MRPS28: variants seen among roughly 807,000 people sequenced by gnomAD.
MRPS28 encodes the protein small ribosomal subunit protein bS1m.
MRPS28 carries 7 observed loss-of-function variants against 10.8 expected under a neutral mutation model. That is an observed-to-expected ratio of 0.65 (90% confidence interval 0.37 to 1.22). The LOEUF is 1.22. Among genes scored for constraint, MRPS28 ranks in the 50% most tolerant of loss-of-function variants. The pLI is 0.02. For synonymous variants in MRPS28, 121 were observed against 93.3 expected, an observed-to-expected ratio of 1.30 and a Z score of -1.71; for missense variants, 265 against 232.9, an observed-to-expected ratio of 1.14 and a Z score of -0.90.
intron 2 of MRPS28, among the ~76,000 whole-genome samples, chr8:79,987,650 T>C (rs529011892): frequency 6.6e-6 from 1 of 152,288 alleles, no homozygotes; most frequent in East Asian, 1.9e-4. Context: ...GGAAGACATT[T>C]ATGCAGCCAA....
At chr8:79,988,783 T>TA (rs1808270640) in intron 2 of MRPS28, among the ~76,000 whole-genome samples, 1 of 152,226 alleles carries the variant, frequency 6.6e-6, no homozygotes, top group African/African-American at 2.4e-5. Context: ...CACTGACAGA[T>TA]ACAGGGTTAG....
At chr8:79,986,157 C>G (rs1420819058) in intron 2 of MRPS28, among the ~76,000 whole-genome samples, 1 of 152,138 alleles carries the variant, frequency 6.6e-6, no homozygotes, top group Non-Finnish European at 1.5e-5. Flanking sequence ...AGCATATAAA[C>G]AGAACCAAAG....
Position 80,029,802 on chromosome 8 carries a change from G to A in MRPS28, c.213+234C>T, listed in dbSNP as rs990270258. 2.0e-5 allele frequency: 31 copies of A among 1,524,634 alleles called. No homozygotes were observed. The East Asian group carries it at 7.2e-4, about 36-fold the overall frequency. 94.4% of individuals were successfully genotyped at this position (1,524,634 alleles called of 1,614,324 possible). On this transcript the variant is annotated intron_variant, in intron 1 of 2. Coordinates refer to ENST00000276585, the MANE Select transcript of MRPS28 (RefSeq NM_014018.3). The stretch of plus-strand genomic sequence containing the variant: ...AATCCCAGGAAAACAAGCGCAGTGT[G>A]GACAGACCCGGCCCAGTACGCAAAT...
At chr8:79,982,328 A>G (rs1807983440) in intron 2 of MRPS28, among the ~76,000 whole-genome samples, 3 of 152,240 alleles carry the variant, frequency 2.0e-5, no homozygotes, top group African/African-American at 4.8e-5. Flanking sequence ...AGCTCCCAGC[A>G]TGAGCGACGC....
chr8:79,978,789 G>C (rs1807870731), intron 2 of MRPS28, among the ~76,000 whole-genome samples: 1 of 152,064 alleles, frequency 6.6e-6, no homozygotes, highest in African/African-American at 2.4e-5. Context: ...GAAATCAGTG[G>C]ATAACCACCC....
intron 1 of MRPS28, among the ~76,000 whole-genome samples, chr8:80,005,281 G>T (rs554092490): frequency 6.6e-6 from 1 of 152,148 alleles, no homozygotes; most frequent in South Asian, 2.1e-4. Flanking sequence ...GACTAACAGC[G>T]GATCTCTCGG....
At chr8:79,923,925 A>AAT (rs1810163971) in intron 2 of MRPS28, among the ~76,000 whole-genome samples, 1 of 152,166 alleles carries the variant, frequency 6.6e-6, no homozygotes, top group Non-Finnish European at 1.5e-5. Flanking sequence ...TCCTTTGGAG[A>AAT]GGTTTCTGAC....
At chr8:79,941,177 G>A (rs115831109) in intron 2 of MRPS28, among the ~76,000 whole-genome samples, 232 of 152,220 alleles carry the variant, frequency 1.5e-3, no homozygotes, top group African/African-American at 5.5e-3. Flanking sequence ...TCAGATTAGT[G>A]AGACTCCAGT....
At chr8:80,011,748 CA>C (rs879855214) in intron 1 of MRPS28, among the ~76,000 whole-genome samples, 4 of 147,302 alleles carry the variant, frequency 2.7e-5, no homozygotes, top group Non-Finnish European at 3.0e-5. Flanking sequence ...GTGAGACTCT[CA>C]AAAAAAAACA....
chr8:79,960,458 C>A (rs887556296), intron 2 of MRPS28, among the ~76,000 whole-genome samples: 7 of 152,142 alleles, frequency 4.6e-5, no homozygotes, highest in Non-Finnish European at 8.8e-5. Flanking sequence ...TATGCTTTCA[C>A]TTTTCCCAAA....
rs374299946 is a variant in MRPS28 at position 80,027,075 on chromosome 8, C to T, written c.213+2961G>A. 1.3e-4 allele frequency among the ~76,000 whole-genome samples: 20 copies of T among 152,218 alleles called. No homozygotes were observed. In the South Asian group the frequency reaches 1.7e-3, roughly 13 times the overall value. On this transcript the variant is annotated intron_variant, in intron 1 of 2. Coordinates refer to ENST00000276585, the MANE Select transcript of MRPS28 (RefSeq NM_014018.3). ...ATCAGTTACAAGAGATGAATCTACA[C>T]GGTTTGATAAATTAAAGTTCATTAT...
At chr8:79,962,330 G>T (rs183242011) in intron 2 of MRPS28, among the ~76,000 whole-genome samples, 16 of 152,104 alleles carry the variant, frequency 1.1e-4, no homozygotes, top group African/African-American at 3.6e-4. Context: ...ACAAGGCAAG[G>T]GGGTATGAGC....
intron 2 of MRPS28, among the ~76,000 whole-genome samples, chr8:79,987,667 C>T (rs1422723791): frequency 1.3e-5 from 2 of 152,176 alleles, no homozygotes; most frequent in African/African-American, 4.8e-5. Context: ...CCAAAAAACA[C>T]ATGAAAAAAT....
chr8:79,975,903 A>ATATG (rs1328400121), intron 2 of MRPS28, among the ~76,000 whole-genome samples: 1 of 152,208 alleles, frequency 6.6e-6, no homozygotes, highest in Admixed American at 6.5e-5. Flanking sequence ...AACAACATCA[A>ATATG]TATATATTAA....
chr8:79,981,147 G>A (rs1239446947), intron 2 of MRPS28, among the ~76,000 whole-genome samples: 1 of 152,056 alleles, frequency 6.6e-6, no homozygotes, highest in Non-Finnish European at 1.5e-5. Context: ...TGGGCAATGT[G>A]GTGAAACTCT....
At chr8:79,998,733 T>A (rs1423429228) in intron 2 of MRPS28, among the ~76,000 whole-genome samples, 1 of 152,176 alleles carries the variant, frequency 6.6e-6, no homozygotes, top group South Asian at 2.1e-4. Flanking sequence ...CTAGGGCGTT[T>A]TGGTACAAAG....
chr8:79,954,255 A>ATGTTTT (rs1807148913), intron 2 of MRPS28, among the ~76,000 whole-genome samples: 4 of 152,158 alleles, frequency 2.6e-5, no homozygotes, highest in Non-Finnish European at 4.4e-5. Flanking sequence ...ACCATAAAAA[A>ATGTTTT]TATAGCCTCT....
At chr8:80,017,640 T>A (rs1446643904) in intron 1 of MRPS28, among the ~76,000 whole-genome samples, 1 of 152,210 alleles carries the variant, frequency 6.6e-6, no homozygotes, top group African/African-American at 2.4e-5. Flanking sequence ...CCCAGGTCCA[T>A]ATGGGTTCAC....
chr8:80,029,567 G>A (rs573734821), intron 1 of MRPS28, among the ~76,000 whole-genome samples: 2 of 152,308 alleles, frequency 1.3e-5, no homozygotes, highest in African/African-American at 4.8e-5. Context: ...AGTTCAGAAA[G>A]TGATTCATCA....
Sources: gnomAD v4.1 joint callset for allele counts (sites outside exome capture counted in the v4.1 genomes callset) on GRCh38, gnomAD v4.1.1 for gene constraint, MANE v1.5 for transcripts, NCBI Gene and HGNC (gene_info 2026-07-23, HGNC 2026-07-21) for gene names.